The following TENM3 variants were observed in gnomAD, a reference collection of about 807,000 sequenced individuals.
TENM3 encodes the protein teneurin transmembrane protein 3.
Under a neutral mutation model 255.1 loss-of-function variants are expected in TENM3, and 63 were observed. That is an observed-to-expected ratio of 0.25 (90% CI 0.20 to 0.30). The LOEUF is 0.30. TENM3 is among the 10% of genes least tolerant of loss of function. The probability of loss-of-function intolerance (pLI) is 1.00; values close to 1 mark genes in which losing one functional copy is unlikely to be tolerated. For missense variants in TENM3, 2,929 were observed against 3,461.1 expected (o/e 0.85, Z 3.86); for synonymous variants, 1,306 against 1,322.3 (o/e 0.99, Z 0.27).
At chr4:181,950,812 A>C in the TENM3 span, among the ~76,000 whole-genome samples, 1 of 152,182 alleles carries the variant, frequency 6.6e-6, no homozygotes, top group Non-Finnish European at 1.5e-5. Context: ...AGTCTGAGGC[A>C]GGAGGATCAC....
chr4:182,199,385 G>A (rs1754037180), intron 1 of TENM3, among the ~76,000 whole-genome samples: 1 of 152,018 alleles, frequency 6.6e-6, no homozygotes, highest in South Asian at 2.1e-4. Flanking sequence ...TCGCACCACT[G>A]CACTCCAGCC....
At chr4:182,506,359 C>T (rs1035798239) in intron 3 of TENM3, among the ~76,000 whole-genome samples, 11 of 152,112 alleles carry the variant, frequency 7.2e-5, no homozygotes, top group African/African-American at 2.2e-4. Context: ...CTTGTCATTA[C>T]CTTAAGCTAA....
At chr4:182,396,040 AT>A (rs1466770901) in intron 3 of TENM3, among the ~76,000 whole-genome samples, 2 of 151,858 alleles carry the variant, frequency 1.3e-5, no homozygotes, top group East Asian at 1.9e-4. Flanking sequence ...GTCATATTTC[AT>A]TTTTTTTCTC....
intron 1 of TENM3, among the ~76,000 whole-genome samples, chr4:182,262,964 C>T (rs1298695115): frequency 2.6e-5 from 4 of 152,174 alleles, no homozygotes; most frequent in African/African-American, 9.6e-5. Context: ...CCGCCTGCCT[C>T]GGCCTCCCTC....
At chr4:182,746,139 A>G (rs1177364067) in intron 19 of TENM3, among the ~76,000 whole-genome samples, 2 of 152,226 alleles carry the variant, frequency 1.3e-5, no homozygotes, top group East Asian at 1.9e-4. Context: ...AGAACTCACA[A>G]TCTAGCAGAG....
upstream of TENM3, among the ~76,000 whole-genome samples, chr4:182,240,298 C>T (rs913749457): frequency 1.3e-5 from 2 of 152,110 alleles, no homozygotes; most frequent in Non-Finnish European, 2.9e-5. Context: ...CTGAGATCAA[C>T]GGAATGCCAG....
chr4:181,640,087 C>G, the TENM3 span, among the ~76,000 whole-genome samples: 1 of 152,176 alleles, frequency 6.6e-6, no homozygotes, highest in Admixed American at 6.5e-5. Flanking sequence ...AAGCTGAAGA[C>G]AGTTGAATGA....
At chr4:181,453,764 G>T in the TENM3 span, among the ~76,000 whole-genome samples, 1 of 152,052 alleles carries the variant, frequency 6.6e-6, no homozygotes, top group Non-Finnish European at 1.5e-5. Flanking sequence ...AATAACCTCC[G>T]TTAGTCCTGT....
chr4:182,683,757 C>T, intron 11 of TENM3, among the ~76,000 whole-genome samples: 1 of 151,966 alleles, frequency 6.6e-6, no homozygotes, highest in East Asian at 1.9e-4. Flanking sequence ...GATAATAAGT[C>T]AGAGAGCATG....
intron 3 of TENM3, among the ~76,000 whole-genome samples, chr4:182,464,956 G>A (rs1257459615): frequency 1.3e-5 from 2 of 151,982 alleles, no homozygotes; most frequent in Non-Finnish European, 2.9e-5. Flanking sequence ...TTCTTTTGAT[G>A]TTTACTGCTG....
intron 3 of TENM3, among the ~76,000 whole-genome samples, chr4:182,385,941 G>C (rs1393114637): frequency 1.3e-5 from 2 of 152,054 alleles, no homozygotes; most frequent in Non-Finnish European, 2.9e-5. Flanking sequence ...TTTAAAAATT[G>C]TGTCATTTCT....
the TENM3 span, among the ~76,000 whole-genome samples, chr4:181,811,533 A>T: frequency 2.6e-5 from 4 of 152,224 alleles, no homozygotes; most frequent in African/African-American, 9.6e-5. Flanking sequence ...GCTGCTAATA[A>T]AGTCATGCCT....
intron 3 of TENM3, among the ~76,000 whole-genome samples, chr4:182,429,228 G>T (rs1771451563): frequency 6.6e-6 from 1 of 152,134 alleles, no homozygotes; most frequent in African/African-American, 2.4e-5. Context: ...AATTAGAGAA[G>T]AATTTAGGAA....
chr4:181,491,575 G>A, the TENM3 span, among the ~76,000 whole-genome samples: 1 of 151,966 alleles, frequency 6.6e-6, no homozygotes, highest in Non-Finnish European at 1.5e-5. Context: ...GGAACAGGTA[G>A]TATTTCCCAT....
the TENM3 span, among the ~76,000 whole-genome samples, chr4:182,066,599 A>AAAAT: frequency 2.7e-3 from 371 of 137,108 alleles, 2 homozygotes; most frequent in Middle Eastern, 0.015. Flanking sequence ...GTAAAAAAAA[A>AAAAT]ATATATATAT....
At chr4:182,483,141 G>A (rs961532) in intron 3 of TENM3, among the ~76,000 whole-genome samples, 70,896 of 151,798 alleles carry the variant, frequency 0.47, 17,946 homozygotes, top group East Asian at 0.74. Context: ...TTTCATATGC[G>A]TTGCCAAAAA....
chr4:181,875,717 T>C, the TENM3 span, among the ~76,000 whole-genome samples: 25 of 152,322 alleles, frequency 1.6e-4, no homozygotes, highest in African/African-American at 5.8e-4. Flanking sequence ...AGTGTGCCGA[T>C]GGACAGAGGC....
chr4:182,665,204 T>C (rs1647339784), intron 6 of TENM3, among the ~76,000 whole-genome samples: 1 of 152,182 alleles, frequency 6.6e-6, no homozygotes, highest in Admixed American at 6.5e-5. Flanking sequence ...CCTAGAATCC[T>C]AGGGCCCTTA....
intron 3 of TENM3, among the ~76,000 whole-genome samples, chr4:182,527,639 A>G (rs913726720): frequency 6.6e-6 from 1 of 152,212 alleles, no homozygotes; most frequent in African/African-American, 2.4e-5. Context: ...GTGAATTTGG[A>G]TAGGTCACTT....
Sources: gnomAD v4.1 joint callset for allele counts (sites outside exome capture counted in the v4.1 genomes callset) on GRCh38, gnomAD v4.1.1 for gene constraint, MANE v1.5 for transcripts, NCBI Gene and HGNC (gene_info 2026-07-23, HGNC 2026-07-21) for gene names.